Variants in SEC14L1 observed in about 807,000 individuals in gnomAD.
SEC14L1 encodes the protein SEC14 like lipid binding 1.
A neutral mutation model predicts 85.3 loss-of-function variants in SEC14L1; 48 were observed. That is an observed-to-expected ratio of 0.56 (90% CI 0.45 to 0.72). The LOEUF (loss-of-function observed/expected upper bound fraction) is 0.72. SEC14L1 is among the 30% of genes least tolerant of loss of function. The pLI, the probability that SEC14L1 is intolerant of heterozygous loss-of-function variation, is 0.00. For synonymous variants in SEC14L1, 391 were observed against 355.5 expected (o/e 1.10, Z -1.12); for missense variants, 682 against 921.4 (o/e 0.74, Z 3.36).
chr17:77,162,543 G>A (rs1382767925), intron 3 of SEC14L1, among the ~76,000 whole-genome samples: 5 of 152,116 alleles, frequency 3.3e-5, no homozygotes, highest in South Asian at 2.1e-4. Context: ...TTAAAAAAAT[G>A]TGTTGTGGAC....
intron 3 of SEC14L1, among the ~76,000 whole-genome samples, chr17:77,144,125 G>A (rs865773874): frequency 5.3e-5 from 8 of 152,044 alleles, no homozygotes; most frequent in East Asian, 1.9e-4. Flanking sequence ...GAGTTTTTCC[G>A]TTATTTACCT....
intron 3 of SEC14L1, among the ~76,000 whole-genome samples, chr17:77,127,580 C>A (rs1400536770): frequency 3.3e-5 from 5 of 151,984 alleles, no homozygotes; most frequent in African/African-American, 1.2e-4. Flanking sequence ...GAACTTCCGA[C>A]CACAGGTAAT....
At chr17:77,190,696 C>T in intron 3 of SEC14L1, 107 bp from the exon 4 acceptor site, 1 of 1,109,696 alleles carries the variant, frequency 9.0e-7, no homozygotes, top group Non-Finnish European at 1.3e-6. Context: ...GTGGCGCTGC[C>T]TGTTGCCGTG....
At chr17:77,207,799 A>G (rs1241089044) in intron 13 of SEC14L1, among the ~76,000 whole-genome samples, 1 of 152,196 alleles carries the variant, frequency 6.6e-6, no homozygotes. Context: ...GGTTCTCAAC[A>G]TACGTTTGGG....
At chr17:77,090,505 T>TA (rs34751442) in intron 2 of SEC14L1, among the ~76,000 whole-genome samples, 33,293 of 125,150 alleles carry the variant, frequency 0.27, 4,187 homozygotes, top group East Asian at 0.41. Flanking sequence ...TTTTAATTAT[T>TA]AAAAAAAAAA....
At position 77,173,283 on chromosome 17, in the gene SEC14L1, G is replaced by A. The variant is rs144929051; in HGVS notation, c.64-17520G>A. ...TATCCTTTTTACATTGTTCTGTCTC[G>A]CACCGAAGTCTTCCTGGGGGAGGGC... On this transcript the variant is annotated intron_variant, in intron 3 of 16. Transcript: ENST00000436233. 3.1e-3 allele frequency among the ~76,000 whole-genome samples: 472 copies of A among 152,010 alleles called. 4 individuals carry two copies. The highest frequency in any genetic ancestry group is 0.011 in the African/African-American group (451 of 41,450).
intron 3 of SEC14L1, among the ~76,000 whole-genome samples, chr17:77,162,712 C>T (rs1354684855): frequency 1.3e-5 from 2 of 151,806 alleles, no homozygotes; most frequent in African/African-American, 4.8e-5. Flanking sequence ...TGCCTGTAAT[C>T]GCAGCTACTC....
intron 3 of SEC14L1, among the ~76,000 whole-genome samples, chr17:77,161,266 A>G (rs1974040779): frequency 6.6e-6 from 1 of 152,222 alleles, no homozygotes; most frequent in Non-Finnish European, 1.5e-5. Flanking sequence ...GCAGGCAGAT[A>G]ACTGGGGGTC....
At chr17:77,144,245 T>A (rs1973177567) in intron 3 of SEC14L1, among the ~76,000 whole-genome samples, 1 of 152,222 alleles carries the variant, frequency 6.6e-6, no homozygotes, top group Admixed American at 6.5e-5. Flanking sequence ...TTTGTGTTAT[T>A]ATTAAGATAT....
intron 1 of SEC14L1, among the ~76,000 whole-genome samples, chr17:77,142,095 C>A (rs1263560643): frequency 6.6e-6 from 1 of 152,078 alleles, no homozygotes; most frequent in Non-Finnish European, 1.5e-5. Flanking sequence ...CCCCGAAAAC[C>A]TCATTTTACA....
At chr17:77,181,682 C>CT (rs2143744075) in intron 3 of SEC14L1, among the ~76,000 whole-genome samples, 1 of 152,338 alleles carries the variant, frequency 6.6e-6, no homozygotes, top group South Asian at 2.1e-4. Context: ...TCCCAAAGTG[C>CT]TGGGGTTACA....
intron 3 of SEC14L1, among the ~76,000 whole-genome samples, chr17:77,126,395 G>C (rs1567879909): frequency 6.6e-6 from 1 of 152,222 alleles, no homozygotes; most frequent in Non-Finnish European, 1.5e-5. Flanking sequence ...AACTGTAACT[G>C]AATTCAATAG....
chr17:77,153,440 T>C (rs1288883252), intron 3 of SEC14L1, among the ~76,000 whole-genome samples: 1 of 152,198 alleles, frequency 6.6e-6, no homozygotes, highest in African/African-American at 2.4e-5. Context: ...CTTTTCTTCC[T>C]AGGATTGTTC....
In SEC14L1 at chr17:77,191,239, G is replaced by GT; in HGVS notation, c.273dup (p.Thr92TyrfsTer5). On this transcript the variant is annotated frameshift_variant, in exon 5 of 17. Coordinates refer to ENST00000436233, the MANE Select transcript of SEC14L1 (RefSeq NM_001143998.2). LOFTEE classifies it high-confidence loss of function. ...AAAAACTCACTGAATTCTCGGGAACGTACTTTGCACATTGAGGCTTATAAT... is the reference window on the plus strand; with the variant it reads ...AAAAACTCACTGAATTCTCGGGAACGTTACTTTGCACATTGAGGCTTATAAT... 1 of 1,613,488 alleles carries GT rather than the reference G, an allele frequency of 6.2e-7. No homozygotes were observed. The highest frequency in any genetic ancestry group is 8.5e-7 in the Non-Finnish European group (1 of 1,179,520).
Position 77,209,469 on chromosome 17 carries a change from C to T in SEC14L1, c.1604C>T (p.Pro535Leu). 1.9e-6 allele frequency: 3 copies of T among 1,614,006 alleles called. No individual in the cohort carries two copies. Among genetic ancestry groups the T allele is most frequent in the Non-Finnish European group, 1.7e-6 (2 of 1,180,002 alleles). ...YQSASVFKGA[P>L]HEILIQIVDA... is the part of the protein sequence containing the mutation. ...TCTGCAAGCGTCTTCAAAGGAGCCC[C>T]ACATGAGGTACGTCCTCCGCCTTCC... Residue 535 changes from proline (P) to leucine (L), a missense_variant, in exon 14 of 17, where the codon CCA (proline) becomes CTA (leucine). This residue lies in a region of SEC14L1 where 420 missense variants were observed against 619.5 expected (regional missense o/e 0.68). Transcript: ENST00000436233.
At chr17:77,171,872 A>G (rs1488006407) in intron 3 of SEC14L1, among the ~76,000 whole-genome samples, 1 of 152,088 alleles carries the variant, frequency 6.6e-6, no homozygotes, top group Admixed American at 6.5e-5. Context: ...ATACATCTGG[A>G]TGGATGTATC....
In SEC14L1 at chr17:77,203,551, T is replaced by G; in HGVS notation, c.1010-19T>G. On this transcript the variant is annotated intron_variant, in intron 9 of 16. Transcript: ENST00000436233. ...AACTGGGATGGTGCTGACAACTCAT[T>G]CCTTCCCCTCCTCTGCAGATGGGCG... is the stretch of plus-strand genomic sequence containing the variant. 6.2e-7 allele frequency: 1 copy of G among 1,607,748 alleles called. No individual in the cohort carries two copies. The highest frequency in any genetic ancestry group is 1.1e-5 in the South Asian group (1 of 90,844).
chr17:77,200,457 C>T (rs1164865431), intron 8 of SEC14L1, 27 bp from the exon 9 acceptor site: 4 of 1,598,834 alleles, frequency 2.5e-6, no homozygotes, highest in East Asian at 4.5e-5. Flanking sequence ...TTTAACATTG[C>T]TTAGAAATGT....
Position 77,206,408 on chromosome 17 carries a change from G to A in SEC14L1, c.1341+8G>A. 6.2e-7 allele frequency: 1 copy of A among 1,611,068 alleles called. No homozygotes were observed. Among genetic ancestry groups the A allele is most frequent in the Non-Finnish European group, 8.5e-7 (1 of 1,177,600 alleles). Reference sequence around the variant, plus strand: ...CCTGTGCTCTGGACGCTGGTGGGTTGAGATGCTTTTTGCAGTAACTGTGAG... The same window carrying A: ...CCTGTGCTCTGGACGCTGGTGGGTTAAGATGCTTTTTGCAGTAACTGTGAG... On this transcript the variant is annotated splice_region_variant and intron_variant, in intron 12 of 16. Transcript: ENST00000436233. The surrounding 1 kb of genome is among the most constrained non-coding windows in gnomAD (Gnocchi z 4.3).
Sources: gnomAD v4.1 joint callset for allele counts (sites outside exome capture counted in the v4.1 genomes callset) on GRCh38, gnomAD v4.1.1 for gene constraint, gnomAD v4.1.1 regional missense constraint, Gnocchi (gnomAD v3.1) non-coding constraint, MANE v1.5 for transcripts, NCBI Gene and HGNC (gene_info 2026-07-23, HGNC 2026-07-21) for gene names.